Variants in CHRM3 observed in about 807,000 individuals in gnomAD.
CHRM3 encodes the protein muscarinic acetylcholine receptor M3.
Under a neutral mutation model 41.8 loss-of-function variants are expected in CHRM3, and 11 were observed. That is an observed-to-expected ratio of 0.26 (90% confidence interval 0.17 to 0.44). CHRM3 has a LOEUF of 0.44. CHRM3 is among the 20% of genes least tolerant of loss of function. The probability of loss-of-function intolerance (pLI) is 1.00; values close to 1 mark genes in which losing one functional copy is unlikely to be tolerated. For missense variants in CHRM3, 571 were observed against 745.4 expected, an observed-to-expected ratio of 0.77 and a Z score of 2.72; for synonymous variants, 297 against 301.4, an observed-to-expected ratio of 0.99 and a Z score of 0.15.
chr1:239,544,212 A>G (rs1659066996), intron 2 of CHRM3, among the ~76,000 whole-genome samples: 1 of 152,156 alleles, frequency 6.6e-6, no homozygotes, highest in African/African-American at 2.4e-5. Context: ...AATCCAGAGC[A>G]GCTTTTCCTA....
At chr1:239,784,877 A>T (rs1668771132) in intron 5 of CHRM3, among the ~76,000 whole-genome samples, 1 of 152,190 alleles carries the variant, frequency 6.6e-6, no homozygotes, top group Non-Finnish European at 1.5e-5. Flanking sequence ...GTGATTTCTA[A>T]TGTCTTTCCA....
At chr1:239,788,355 A>AT (rs560226850) in intron 5 of CHRM3, among the ~76,000 whole-genome samples, 9 of 152,128 alleles carry the variant, frequency 5.9e-5, no homozygotes, top group East Asian at 1.9e-4. Context: ...CAGCAATTAG[A>AT]TTTTTTTTGC....
At chr1:239,532,016 T>TA (rs1657632342) in intron 2 of CHRM3, among the ~76,000 whole-genome samples, 1 of 119,982 alleles carries the variant, frequency 8.3e-6, no homozygotes, top group Non-Finnish European at 1.8e-5. Flanking sequence ...TTTCTTTTTT[T>TA]TTTTTTTTTT....
chr1:239,768,927 A>G (rs1558104458), intron 5 of CHRM3, among the ~76,000 whole-genome samples: 1 of 151,966 alleles, frequency 6.6e-6, no homozygotes, highest in African/African-American at 2.4e-5. Context: ...ACCATGCCCA[A>G]CTAATTTTTG....
rs371031785 is a variant in CHRM3 at position 239,470,042 on chromosome 1, C to A, written c.-520-22667C>A. ...GCCATTCGCCCTGTAGTGAATGTGA[C>A]CTTATTTGGAAGTAGGGGTTTTGTA... On this transcript the variant is annotated intron_variant, in intron 1 of 6. Coordinates refer to ENST00000676153, the MANE Select transcript of CHRM3 (RefSeq NM_001375978.1). Among the ~76,000 whole-genome samples the A allele has an allele frequency of 4.6e-5, 7 of 152,028 alleles. No homozygotes were observed. The East Asian group carries it at 1.2e-3, about 25-fold the overall frequency.
chr1:239,660,476 C>T (rs1673092461), intron 4 of CHRM3, among the ~76,000 whole-genome samples: 1 of 152,046 alleles, frequency 6.6e-6, no homozygotes. Context: ...CCGTATAAGT[C>T]TAAGAAAATT....
Position 239,909,999 on chromosome 1 carries a change from T to C in CHRM3, c.*775T>C, listed in dbSNP as rs964393002. ...CAACATTAACGTGAAATAAGCCCAG[T>C]GTAATGTTTTTGAAACCAGGGCTGT... is the stretch of plus-strand genomic sequence containing the variant. On this transcript the variant is annotated 3_prime_UTR_variant, in exon 7 of 7. Transcript: ENST00000676153. 6.0e-6 allele frequency: 1 copy of C among 166,902 alleles called. No individual in the cohort carries two copies. Among genetic ancestry groups the C allele is most frequent in the African/African-American group, 2.4e-5 (1 of 41,384 alleles). The allele number at this position is 166,902 out of a possible 1,614,324, so 10.3% of individuals were successfully genotyped here.
At chr1:239,754,901 G>GA (rs112928542) in intron 5 of CHRM3, among the ~76,000 whole-genome samples, 6 of 151,758 alleles carry the variant, frequency 4.0e-5, no homozygotes, top group African/African-American at 2.4e-5. Context: ...CTTATTGTGG[G>GA]AAAAAAAATG....
intron 5 of CHRM3, among the ~76,000 whole-genome samples, chr1:239,788,595 A>C (rs554086913): frequency 2.0e-5 from 3 of 152,104 alleles, no homozygotes; most frequent in Admixed American, 1.3e-4. Flanking sequence ...GTGAAACCCC[A>C]TCTCTACTAA....
At chr1:239,788,121 A>G (rs1669056130) in intron 5 of CHRM3, among the ~76,000 whole-genome samples, 1 of 151,992 alleles carries the variant, frequency 6.6e-6, no homozygotes, top group Admixed American at 6.6e-5. Context: ...CTGTAGTACT[A>G]GCTACTTGGG....
At chr1:239,821,715 G>C (rs1264391078) in intron 5 of CHRM3, among the ~76,000 whole-genome samples, 7 of 152,158 alleles carry the variant, frequency 4.6e-5, no homozygotes, top group Non-Finnish European at 8.8e-5. Context: ...TCCAGAATCA[G>C]AATACAGTTT....
At chr1:239,536,475 A>G (rs1268301501) in intron 2 of CHRM3, among the ~76,000 whole-genome samples, 1 of 152,200 alleles carries the variant, frequency 6.6e-6, no homozygotes, top group Non-Finnish European at 1.5e-5. Flanking sequence ...GACTAAGGAC[A>G]ATTTTTAAAA....
intron 5 of CHRM3, among the ~76,000 whole-genome samples, chr1:239,702,033 GCTT>G (rs774953553): frequency 3.4e-4 from 52 of 152,060 alleles, no homozygotes; most frequent in African/African-American, 1.1e-3. Context: ...GTCATGTCAA[GCTT>G]CTTCTTCTGG....
At chr1:239,524,098 C>T (rs1395227627) in intron 2 of CHRM3, among the ~76,000 whole-genome samples, 1 of 152,136 alleles carries the variant, frequency 6.6e-6, no homozygotes, top group African/African-American at 2.4e-5. Context: ...ACCTGCATCC[C>T]ACCTTTGTAA....
chr1:239,501,794 G>A (rs1026085774), intron 2 of CHRM3, among the ~76,000 whole-genome samples: 2 of 152,134 alleles, frequency 1.3e-5, no homozygotes, highest in African/African-American at 4.8e-5. Flanking sequence ...GGTGGAGCTT[G>A]CAGTGAGCTG....
At chr1:239,401,698 G>C (rs1659991133) in intron 1 of CHRM3, among the ~76,000 whole-genome samples, 1 of 151,830 alleles carries the variant, frequency 6.6e-6, no homozygotes, top group Admixed American at 6.6e-5. Flanking sequence ...TCACCATGTT[G>C]GCCAGGATGG....
At chr1:239,702,560 T>C (rs1371718164) in intron 5 of CHRM3, among the ~76,000 whole-genome samples, 2 of 152,250 alleles carry the variant, frequency 1.3e-5, no homozygotes, top group Non-Finnish European at 2.9e-5. Context: ...GTCTGGCATA[T>C]TAACTTAATG....
chr1:239,649,260 G>A (rs999031034), intron 4 of CHRM3, among the ~76,000 whole-genome samples: 1 of 152,096 alleles, frequency 6.6e-6, no homozygotes, highest in African/African-American at 2.4e-5. Context: ...CATCATGTGA[G>A]TACTCAGTGA....
chr1:239,534,343 G>A (rs17585845), intron 2 of CHRM3, among the ~76,000 whole-genome samples: 3,068 of 152,212 alleles, frequency 0.02, 46 homozygotes, highest in Non-Finnish European at 0.027. Context: ...AAAATTTTAG[G>A]AGAACGTGCA....
Sources: allele counts gnomAD v4.1 joint callset (sites outside exome capture counted in the v4.1 genomes callset), GRCh38; gene constraint gnomAD v4.1.1; transcripts MANE v1.5; gene names NCBI Gene and HGNC (gene_info 2026-07-23, HGNC 2026-07-21).